Variants in SIPA1L1 observed in about 807,000 individuals in gnomAD.
The protein encoded by SIPA1L1 is signal induced proliferation associated 1 like 1.
Under a neutral mutation model 162.7 loss-of-function variants are expected in SIPA1L1, and 26 were observed. That is an observed-to-expected ratio of 0.16 (90% CI 0.12 to 0.22). The LOEUF (loss-of-function observed/expected upper bound fraction) is 0.22. Among genes scored for constraint, SIPA1L1 ranks in the 10% least tolerant of loss-of-function variants. SIPA1L1 has a pLI of 1.00. For synonymous variants in SIPA1L1, 829 were observed against 837.4 expected, an observed-to-expected ratio of 0.99 and a Z score of 0.17; for missense variants, 1,874 against 2,241.0, an observed-to-expected ratio of 0.84 and a Z score of 3.31.
intron 2 of SIPA1L1, among the ~76,000 whole-genome samples, chr14:71,504,476 A>G (rs191870577): frequency 6.6e-6 from 1 of 152,264 alleles, no homozygotes; most frequent in Non-Finnish European, 1.5e-5. Flanking sequence ...TTTCTGTTGT[A>G]GTTATATAGT....
At chr14:71,405,052 A>G (rs1483660207) in intron 2 of SIPA1L1, among the ~76,000 whole-genome samples, 2 of 152,252 alleles carry the variant, frequency 1.3e-5, no homozygotes, top group African/African-American at 4.8e-5. Context: ...GTAAATAACA[A>G]GTATCAAAAG....
At position 71,542,751 on chromosome 14, in the gene SIPA1L1, T is replaced by C. The variant is rs377076961; in HGVS notation, c.-303+13381T>C. 2.1e-3 allele frequency among the ~76,000 whole-genome samples: 210 copies of C among 99,034 alleles called. 1 individual carries two copies. The highest frequency in any genetic ancestry group is 7.9e-3 in the East Asian group (34 of 4,292). 65.0% of individuals were successfully genotyped at this position (99,034 alleles called of 152,430 possible). The stretch of plus-strand genomic sequence containing the variant: ...CCTCCTCCTTCTTCTCTCTCTCTCT[T>C]TTTTTTTTTTTTTACGAGATACAGT... On this transcript the variant is annotated intron_variant, in intron 4 of 23. Coordinates refer to ENST00000381232, the MANE Select transcript of SIPA1L1 (RefSeq NM_001386936.1).
chr14:71,571,628 G>GTTTATTTA (rs374571269), intron 4 of SIPA1L1, among the ~76,000 whole-genome samples: 218 of 151,124 alleles, frequency 1.4e-3, no homozygotes, highest in Middle Eastern at 6.8e-3. Context: ...AAACTGGATG[G>GTTTATTTA]TTTATTTATT....
intron 2 of SIPA1L1, among the ~76,000 whole-genome samples, chr14:71,489,089 T>A (rs997110213): frequency 1.3e-5 from 2 of 152,232 alleles, no homozygotes; most frequent in Non-Finnish European, 2.9e-5. Flanking sequence ...CAACTTAAAC[T>A]GCTTAGGAGT....
At chr14:71,713,430 G>C (rs185996182) in intron 17 of SIPA1L1, among the ~76,000 whole-genome samples, 1 of 152,200 alleles carries the variant, frequency 6.6e-6, no homozygotes, top group African/African-American at 2.4e-5. Flanking sequence ...ATAAAAGTTT[G>C]TAAACTCTAC....
intron 2 of SIPA1L1, among the ~76,000 whole-genome samples, chr14:71,446,576 TAAAG>T (rs890910509): frequency 6.6e-6 from 1 of 152,098 alleles, no homozygotes; most frequent in Admixed American, 6.6e-5. Context: ...TCTAAAAATA[TAAAG>T]AAAGAAAGAA....
In SIPA1L1 at chr14:71,627,061, C is replaced by T. The variant is rs560752313; in HGVS notation, c.1818+2825C>T. ...TCCTGAAGAAACTTATTTTAGAAAA[C>T]GAACTAATTTTTTTAGCTTATCCAA... On this transcript the variant is annotated intron_variant, in intron 7 of 23. Coordinates refer to ENST00000381232, the MANE Select transcript of SIPA1L1 (RefSeq NM_001386936.1). 6.2e-5 allele frequency among the ~76,000 whole-genome samples: 9 copies of T among 145,412 alleles called. No individual in the cohort carries two copies. In the East Asian group the frequency reaches 6.3e-4, roughly 10 times the overall value.
chr14:71,378,571 T>C (rs1458706701), intron 2 of SIPA1L1, among the ~76,000 whole-genome samples: 3 of 152,230 alleles, frequency 2.0e-5, no homozygotes, highest in Admixed American at 2.0e-4. Flanking sequence ...ATGATCTGTC[T>C]TGATAAATGT....
At chr14:71,614,900 AT>A (rs1468376202) in intron 5 of SIPA1L1, among the ~76,000 whole-genome samples, 1 of 151,976 alleles carries the variant, frequency 6.6e-6, no homozygotes, top group African/African-American at 2.4e-5. Flanking sequence ...TACTAAAATG[AT>A]TGTTTAATAT....
chr14:71,680,499 C>T (rs1339882054), intron 12 of SIPA1L1, among the ~76,000 whole-genome samples: 1 of 151,890 alleles, frequency 6.6e-6, no homozygotes, highest in African/African-American at 2.4e-5. Context: ...AAATTGACAC[C>T]CTAACATCAC....
intron 2 of SIPA1L1, among the ~76,000 whole-genome samples, chr14:71,508,825 G>A (rs1264520880): frequency 6.6e-6 from 1 of 152,160 alleles, no homozygotes; most frequent in African/African-American, 2.4e-5. Flanking sequence ...GGGATGAGTA[G>A]CGATTGTCAT....
intron 4 of SIPA1L1, among the ~76,000 whole-genome samples, chr14:71,551,700 G>A (rs1287819100): frequency 6.6e-6 from 1 of 152,090 alleles, no homozygotes; most frequent in African/African-American, 2.4e-5. Context: ...GGCCCTGCAA[G>A]CTTCCTCACA....
At chr14:71,508,042 T>C (rs1019850999) in intron 2 of SIPA1L1, among the ~76,000 whole-genome samples, 2 of 152,200 alleles carry the variant, frequency 1.3e-5, no homozygotes, top group Admixed American at 6.5e-5. Flanking sequence ...AGGAAGACAG[T>C]CTTGGGGACT....
At chr14:71,661,521 A>T in intron 10 of SIPA1L1, 54 bp downstream of exon 10, 2 of 1,572,324 alleles carry the variant, frequency 1.3e-6, no homozygotes, top group South Asian at 2.3e-5. Context: ...GTTATCGCAT[A>T]GAGGCCCCAT....
intron 3 of SIPA1L1, among the ~76,000 whole-genome samples, chr14:71,521,813 A>G (rs1303366640): frequency 6.6e-6 from 1 of 152,196 alleles, no homozygotes; most frequent in African/African-American, 2.4e-5. Flanking sequence ...CCACATTCTT[A>G]GTGACATGGT....
chr14:71,413,508 C>T (rs560005216), intron 2 of SIPA1L1, among the ~76,000 whole-genome samples: 109 of 152,006 alleles, frequency 7.2e-4, no homozygotes, highest in African/African-American at 9.4e-4. Flanking sequence ...GAGGCTGAGG[C>T]GGGTGGATCA....
intron 6 of SIPA1L1, among the ~76,000 whole-genome samples, chr14:71,619,349 C>T (rs2039174992): frequency 6.6e-6 from 1 of 152,066 alleles, no homozygotes; most frequent in South Asian, 2.1e-4. Context: ...TTCTTGACTT[C>T]TTCCACTATC....
At chr14:71,546,962 A>G (rs1028530339) in intron 4 of SIPA1L1, among the ~76,000 whole-genome samples, 9 of 151,926 alleles carry the variant, frequency 5.9e-5, no homozygotes, top group African/African-American at 1.9e-4. Flanking sequence ...TTTTTCCTTC[A>G]CATGTGATTA....
At chr14:71,525,501 A>G (rs2052773822) in intron 3 of SIPA1L1, among the ~76,000 whole-genome samples, 1 of 152,196 alleles carries the variant, frequency 6.6e-6, no homozygotes, top group Admixed American at 6.5e-5. Context: ...CTAGATTTCA[A>G]TTATTTTCAC....
Sources: allele counts gnomAD v4.1 joint callset (sites outside exome capture counted in the v4.1 genomes callset), GRCh38; gene constraint gnomAD v4.1.1; transcripts MANE v1.5; gene names NCBI Gene and HGNC (gene_info 2026-07-23, HGNC 2026-07-21).